The following TCERG1L variants were observed in gnomAD, a reference collection of about 807,000 sequenced individuals.
TCERG1L encodes transcription elongation regulator 1 like, also known as transcription elongation regulator 1-like protein.
A neutral mutation model predicts 56.3 loss-of-function variants in TCERG1L; 37 were observed. That is an observed-to-expected ratio of 0.66 (90% CI 0.51 to 0.87). TCERG1L has a LOEUF of 0.87. Among genes scored for constraint, TCERG1L ranks in the 40% least tolerant of loss-of-function variants. The pLI is 0.00. For synonymous variants in TCERG1L, 324 were observed against 326.3 expected (o/e 0.99, Z 0.08); for missense variants, 799 against 774.2 (o/e 1.03, Z -0.38).
intron 4 of TCERG1L, among the ~76,000 whole-genome samples, chr10:131,197,194 T>TC (rs397769581): frequency 2.6e-5 from 4 of 151,420 alleles, no homozygotes; most frequent in African/African-American, 7.3e-5. Context: ...CATTTTTTTT[T>TC]TGAGATGGAG....
chr10:131,220,503 A>G (rs552410019), intron 4 of TCERG1L, among the ~76,000 whole-genome samples: 1 of 152,194 alleles, frequency 6.6e-6, no homozygotes, highest in East Asian at 1.9e-4. Context: ...GGCTTGGGCT[A>G]CTCAACTCTG....
chr10:131,132,817 A>G (rs1416072306), intron 8 of TCERG1L, among the ~76,000 whole-genome samples: 1 of 152,156 alleles, frequency 6.6e-6, no homozygotes, highest in African/African-American at 2.4e-5. Flanking sequence ...TAGCAAGAAG[A>G]CAGCTGCCCA....
chr10:131,153,889 C>T (rs1169808419), intron 6 of TCERG1L, among the ~76,000 whole-genome samples: 1 of 152,134 alleles, frequency 6.6e-6, no homozygotes, highest in Non-Finnish European at 1.5e-5. Context: ...AGCTCCTGAG[C>T]CCTGGGGAAA....
chr10:131,195,812 C>T (rs1845355464), intron 4 of TCERG1L, among the ~76,000 whole-genome samples: 1 of 152,214 alleles, frequency 6.6e-6, no homozygotes, highest in South Asian at 2.1e-4. Context: ...GCCTTCTGGG[C>T]ACTTCTGGGT....
rs59816491 is a variant in TCERG1L, at chr10:131,191,864, C to CAAAAAA, written c.857-24985_857-24980dup. Reference sequence around the variant, plus strand: ...TGGGGGACAGAGCAAGACTCCGTCTCAAAAAAAAAAAAAAAAAAAAAAAAA... The same window carrying CAAAAAA: ...TGGGGGACAGAGCAAGACTCCGTCTCAAAAAAAAAAAAAAAAAAAAAAAAAAAAAAA... On this transcript the variant is annotated intron_variant, in intron 4 of 11. Coordinates refer to ENST00000368642, the MANE Select transcript of TCERG1L (RefSeq NM_174937.4). 4.5e-4 allele frequency among the ~76,000 whole-genome samples: 13 copies of CAAAAAA among 28,712 alleles called. 2 individuals are homozygous for CAAAAAA. The highest frequency in any genetic ancestry group is 9.7e-4 in the East Asian group (1 of 1,034). The allele number at this position is 28,712 out of a possible 152,430, so 18.8% of individuals were successfully genotyped here. A position where few individuals can be genotyped will look rare whatever the true frequency, so the allele number is the denominator to read the frequency against.
intron 5 of TCERG1L, 59 bp from the exon 6 acceptor site, chr10:131,163,269 C>T: frequency 7.5e-7 from 1 of 1,335,448 alleles, no homozygotes; most frequent in Non-Finnish European, 1.0e-6. Flanking sequence ...TCTTCAATTA[C>T]AAGCAAGGAA....
rs576144758 is a variant in TCERG1L at position 131,135,225 on chromosome 10, G to A, written c.1190-777C>T. Among the ~76,000 whole-genome samples, 229 of 152,160 alleles carry A rather than the reference G, an allele frequency of 1.5e-3. 1 individual carries two copies. Among genetic ancestry groups the A allele is most frequent in the Non-Finnish European group, 2.8e-3 (191 of 68,010 alleles). On this transcript the variant is annotated intron_variant, in intron 7 of 11. Transcript: ENST00000368642. ...GTCTACCTCTGGCTTATTCCGCCCC[G>A]CCCAGCTTGGGTGGCCAACTGAGCT...
At chr10:131,136,530 C>CT (rs1845677065) in intron 7 of TCERG1L, among the ~76,000 whole-genome samples, 2 of 152,120 alleles carry the variant, frequency 1.3e-5, no homozygotes, top group African/African-American at 2.4e-5. Flanking sequence ...CATGTTCAGC[C>CT]TGTCACCCAG....
chr10:131,202,874 G>C (rs1479412163), intron 4 of TCERG1L, among the ~76,000 whole-genome samples: 4 of 152,044 alleles, frequency 2.6e-5, no homozygotes, highest in Non-Finnish European at 4.4e-5. Flanking sequence ...AGTTTATTTA[G>C]AAAAAAGAAA....
intron 6 of TCERG1L, among the ~76,000 whole-genome samples, chr10:131,159,801 C>T (rs900931437): frequency 6.6e-6 from 1 of 152,088 alleles, no homozygotes; most frequent in African/African-American, 2.4e-5. Context: ...TGTCACATCA[C>T]GAGGCACACA....
At chr10:131,263,579 G>A (rs1330856660) in intron 3 of TCERG1L, among the ~76,000 whole-genome samples, 3 of 152,140 alleles carry the variant, frequency 2.0e-5, no homozygotes, top group Admixed American at 1.3e-4. Flanking sequence ...AGGAAGGCAC[G>A]TGCCCCATAC....
intron 4 of TCERG1L, among the ~76,000 whole-genome samples, chr10:131,232,570 G>T (rs551386479): frequency 6.6e-6 from 1 of 152,372 alleles, no homozygotes; most frequent in African/African-American, 2.4e-5. Context: ...AAGAGAGGTT[G>T]ATGAATCTGA....
At chr10:131,110,804 A>C (rs1239740412) in intron 9 of TCERG1L, among the ~76,000 whole-genome samples, 2 of 98,482 alleles carry the variant, frequency 2.0e-5, no homozygotes, top group East Asian at 5.0e-4. Flanking sequence ...GGTTCAATTC[A>C]AGTAAAGTGG....
chr10:131,196,320 C>T (rs1845362909), intron 4 of TCERG1L, among the ~76,000 whole-genome samples: 1 of 152,144 alleles, frequency 6.6e-6, no homozygotes, highest in African/African-American at 2.4e-5. Context: ...GAACCGGAGA[C>T]ACAGGCACAT....
At chr10:131,256,992 G>GGAAAGAAAAGAAAGAAA (rs1846173501) in intron 4 of TCERG1L, among the ~76,000 whole-genome samples, 1 of 59,170 alleles carries the variant, frequency 1.7e-5, no homozygotes, top group Non-Finnish European at 3.8e-5. Flanking sequence ...AAGGAAGGAA[G>GGAAAGAAAAGAAAGAAA]GAAAGAAAGA....
At chr10:131,193,267 C>T (rs540789225) in intron 4 of TCERG1L, among the ~76,000 whole-genome samples, 3 of 152,178 alleles carry the variant, frequency 2.0e-5, no homozygotes, top group African/African-American at 7.2e-5. Context: ...TAGTTCCCTA[C>T]CAGATTAATC....
Position 131,304,450 on chromosome 10 carries a change from A to G in TCERG1L, c.670+3761T>C, listed in dbSNP as rs544508229. Reference sequence around the variant, plus strand: ...CAAGGTGAGCCCCTTCTTCCTGGGAAGAAGAGGGACTGACAGGACTGCAGG... The same window carrying G: ...CAAGGTGAGCCCCTTCTTCCTGGGAGGAAGAGGGACTGACAGGACTGCAGG... On this transcript the variant is annotated intron_variant, in intron 3 of 11. Coordinates refer to ENST00000368642, the MANE Select transcript of TCERG1L (RefSeq NM_174937.4). Among the ~76,000 whole-genome samples the G allele has an allele frequency of 1.4e-4, 21 of 151,990 alleles. No homozygotes were observed. The East Asian group carries it at 3.9e-3, about 28-fold the overall frequency.
At chr10:131,158,971 T>C (rs1845950296) in intron 6 of TCERG1L, among the ~76,000 whole-genome samples, 1 of 152,196 alleles carries the variant, frequency 6.6e-6, no homozygotes, top group Admixed American at 6.5e-5. Flanking sequence ...CAGGTGACCC[T>C]GAACTGGCCT....
At chr10:131,123,406 C>T (rs548103391) in intron 8 of TCERG1L, among the ~76,000 whole-genome samples, 1 of 152,010 alleles carries the variant, frequency 6.6e-6, no homozygotes, top group Middle Eastern at 3.2e-3. Context: ...AGGTGAGGAG[C>T]CCTGGGGGTA....
Sources: gnomAD v4.1 joint callset for allele counts (sites outside exome capture counted in the v4.1 genomes callset) on GRCh38, gnomAD v4.1.1 for gene constraint, MANE v1.5 for transcripts, NCBI Gene and HGNC (gene_info 2026-07-23, HGNC 2026-07-21) for gene names.